NINJ2: variants seen among roughly 807,000 people sequenced by gnomAD.
The protein encoded by NINJ2 is ninjurin-2.
Under a neutral mutation model 11.7 loss-of-function variants are expected in NINJ2, and 12 were observed. The observed-to-expected ratio is 1.02, with a 90% CI of 0.66 to 1.66. The LOEUF (loss-of-function observed/expected upper bound fraction) is 1.66. Among genes scored for constraint, NINJ2 ranks in the 40% most tolerant of loss-of-function variants. NINJ2 has a pLI of 0.00. For synonymous variants in NINJ2, 93 were observed against 76.8 expected (o/e 1.21, Z -1.10); for missense variants, 187 against 181.8 (o/e 1.03, Z -0.16).
At chr12:643,308 C>T in intron 1 of NINJ2, 1 of 412,058 alleles carries the variant, frequency 2.4e-6, no homozygotes, top group Non-Finnish European at 3.3e-6. Flanking sequence ...TCTGCACCGT[C>T]GCGGCCTCGC....
At chr12:587,302 C>T (rs2063291486) in intron 1 of NINJ2, among the ~76,000 whole-genome samples, 2 of 152,224 alleles carry the variant, frequency 1.3e-5, no homozygotes, top group African/African-American at 4.8e-5. Flanking sequence ...CCCAGGAACC[C>T]CTGGCAATGC....
chr12:610,701 A>G, intron 1 of NINJ2: 2 of 778,670 alleles, frequency 2.6e-6, no homozygotes, highest in Non-Finnish European at 3.1e-6. Context: ...GGCTATGACA[A>G]GGACAACCAC....
chr12:655,631 G>A (rs911294117), intron 1 of NINJ2, among the ~76,000 whole-genome samples: 1 of 152,142 alleles, frequency 6.6e-6, no homozygotes, highest in Non-Finnish European at 1.5e-5. Flanking sequence ...TAAATGAAGG[G>A]GACAAGCGCG....
At chr12:629,080 C>G (rs1948240183) in intron 1 of NINJ2, among the ~76,000 whole-genome samples, 1 of 152,168 alleles carries the variant, frequency 6.6e-6, no homozygotes, top group Non-Finnish European at 1.5e-5. Context: ...CTAGCAAACT[C>G]GCTTTCACTT....
chr12:615,994 G>A (rs1035901541), intron 1 of NINJ2, among the ~76,000 whole-genome samples: 3 of 152,238 alleles, frequency 2.0e-5, no homozygotes, highest in Admixed American at 2.0e-4. Context: ...GTGAGGGGCT[G>A]CAGAAAGCAG....
intron 1 of NINJ2, among the ~76,000 whole-genome samples, chr12:634,265 CTTTTTTTTTTTTTTTT>C (rs67797144): frequency 1.7e-5 from 1 of 59,480 alleles, no homozygotes; most frequent in Non-Finnish European, 3.1e-5. Context: ...AGTTGCAGTT[CTTTTTTTTTTTTTTTT>C]TTTTTTTTTG....
chr12:604,732 G>C (rs573257039), intron 1 of NINJ2, among the ~76,000 whole-genome samples: 4 of 152,202 alleles, frequency 2.6e-5, no homozygotes, highest in African/African-American at 4.8e-5. Context: ...TGGGTGTGGG[G>C]ACACAAGTGC....
At position 633,183 on chromosome 12, in the gene NINJ2, A is replaced by C. The variant is rs1948303377; in HGVS notation, c.33+30145T>G. Among the ~76,000 whole-genome samples the C allele has an allele frequency of 6.6e-6, 1 of 151,114 alleles. No homozygotes were observed. Among genetic ancestry groups the C allele is most frequent in the South Asian group, 2.1e-4 (1 of 4,764 alleles). On this transcript the variant is annotated intron_variant, in intron 1 of 3. Transcript: ENST00000305108. The surrounding 1 kb of genome is among the most constrained non-coding windows in gnomAD (Gnocchi z 4.3). ...CCCTTCCTGAACCAACCTCCCTAAA[A>C]CTGTGCCCCACTCCTCCATTAAAAA...
rs11063705 is a variant in NINJ2, at chr12:581,252, A to G, written c.34-15074T>C. 0.27 allele frequency among the ~76,000 whole-genome samples: 40,828 copies of G among 151,662 alleles called. 5,852 individuals carry two copies. The highest frequency in any genetic ancestry group is 0.37 in the South Asian group (1,785 of 4,790). Reference sequence around the variant, plus strand: ...CTCAGCAGTATCCTGGGTCCTGGCCATAGACCTGTAGATGAGACAGGCTAC... The same window carrying G: ...CTCAGCAGTATCCTGGGTCCTGGCCGTAGACCTGTAGATGAGACAGGCTAC... On this transcript the variant is annotated intron_variant, in intron 1 of 3. Transcript: ENST00000305108. This position sits in a 1 kb window ranked among gnomAD's most constrained non-coding sequence, Gnocchi z 4.9.
At chr12:607,796 TG>T (rs1232649031) in intron 1 of NINJ2, among the ~76,000 whole-genome samples, 3 of 151,946 alleles carry the variant, frequency 2.0e-5, no homozygotes, top group Non-Finnish European at 4.4e-5. Flanking sequence ...CCCACAGGAC[TG>T]GGGGTGGAAG....
Position 657,458 on chromosome 12 carries a change from G to A in NINJ2, c.33+5870C>T, listed in dbSNP as rs543083063. ...CAAAAATTAGCCGGGGCATGGTGGC[G>A]CATGCCTGTAGTCCCAGCTACTCAG... On this transcript the variant is annotated intron_variant, in intron 1 of 3. Transcript: ENST00000305108. Among the ~76,000 whole-genome samples, 87 of 152,206 alleles carry A rather than the reference G, an allele frequency of 5.7e-4. No homozygotes were observed. The South Asian group carries it at 0.017, about 30-fold the overall frequency.
Position 595,617 on chromosome 12 carries a change from T to G in NINJ2, c.34-29439A>C, listed in dbSNP as rs551515744. 2.6e-5 allele frequency among the ~76,000 whole-genome samples: 4 copies of G among 152,182 alleles called. No homozygotes were observed. In the South Asian group the frequency reaches 8.3e-4, roughly 32 times the overall value. ...AAAAATACAAAATTAGCCGGGCGTG[T>G]TGGTGCATGCCTGTAATCCCAGTTA... On this transcript the variant is annotated intron_variant, in intron 1 of 3. Coordinates refer to ENST00000305108, the MANE Select transcript of NINJ2 (RefSeq NM_016533.6).
intron 1 of NINJ2, among the ~76,000 whole-genome samples, chr12:619,679 G>A (rs1948131175): frequency 6.6e-6 from 1 of 152,192 alleles, no homozygotes; most frequent in Admixed American, 6.5e-5. Flanking sequence ...TTGGTAAGCT[G>A]TGGCTGGGTT....
At chr12:611,553 G>T (rs1404870732) in intron 1 of NINJ2, among the ~76,000 whole-genome samples, 1 of 152,198 alleles carries the variant, frequency 6.6e-6, no homozygotes, top group Non-Finnish European at 1.5e-5. Flanking sequence ...GGCCAGGCTG[G>T]TCTCGAACTC....
At chr12:616,656 C>T (rs141969054) in intron 1 of NINJ2, among the ~76,000 whole-genome samples, 175 of 152,338 alleles carry the variant, frequency 1.1e-3, no homozygotes, top group African/African-American at 4.0e-3. Context: ...TTCTTGACTA[C>T]AAAATGGGCC....
chr12:616,082 G>A (rs184037361), intron 1 of NINJ2, among the ~76,000 whole-genome samples: 2 of 152,272 alleles, frequency 1.3e-5, no homozygotes, highest in East Asian at 1.9e-4. Context: ...TTCTCAGGAA[G>A]GTAAAGGACT....
chr12:584,420 C>G (rs896993612), intron 1 of NINJ2, among the ~76,000 whole-genome samples: 1 of 152,164 alleles, frequency 6.6e-6, no homozygotes, highest in African/African-American at 2.4e-5. Flanking sequence ...CCTGTAATCC[C>G]AGCACTATGG....
chr12:574,588 G>A (rs975590363), intron 1 of NINJ2, among the ~76,000 whole-genome samples: 2 of 151,600 alleles, frequency 1.3e-5, no homozygotes, highest in African/African-American at 2.4e-5. Flanking sequence ...TCTTGGGCTT[G>A]CAAGCTCTCT....
intron 1 of NINJ2, among the ~76,000 whole-genome samples, chr12:619,013 G>A (rs1948124019): frequency 6.6e-6 from 1 of 152,168 alleles, no homozygotes; most frequent in Non-Finnish European, 1.5e-5. Flanking sequence ...TTTCTGACAG[G>A]GGCAGCAAAA....
Sources: gnomAD v4.1 joint callset for allele counts (sites outside exome capture counted in the v4.1 genomes callset) on GRCh38, gnomAD v4.1.1 for gene constraint, Gnocchi (gnomAD v3.1) non-coding constraint, MANE v1.5 for transcripts, NCBI Gene and HGNC (gene_info 2026-07-23, HGNC 2026-07-21) for gene names.